MYO10: variants seen among roughly 807,000 people sequenced by gnomAD.
The protein encoded by MYO10 is myosin X, also known as unconventional myosin-X.
MYO10 carries 133 observed loss-of-function variants against 257.3 expected under a neutral mutation model. That is an observed-to-expected ratio of 0.52 (90% CI 0.45 to 0.60). The LOEUF is 0.60. Among genes scored for constraint, MYO10 ranks in the 20% least tolerant of loss-of-function variants. MYO10 has a pLI of 0.00. For synonymous variants in MYO10, 1,104 were observed against 1,028.6 expected (o/e 1.07, Z -1.40); for missense variants, 2,399 against 2,635.7 (o/e 0.91, Z 1.97).
intron 1 of MYO10, among the ~76,000 whole-genome samples, chr5:16,888,746 T>C (rs1744961952): frequency 6.8e-6 from 1 of 146,064 alleles, no homozygotes; most frequent in Admixed American, 6.8e-5. Context: ...CCCCATCTCT[T>C]AAAAAAAAAA....
chr5:16,810,825 C>T (rs1742412742), intron 3 of MYO10, among the ~76,000 whole-genome samples: 1 of 152,008 alleles, frequency 6.6e-6, no homozygotes, highest in African/African-American at 2.4e-5. Context: ...AATCCCAACA[C>T]TTTGAGAGGC....
chr5:16,815,606 G>A, intron 3 of MYO10: 1 of 606,760 alleles, frequency 1.6e-6, no homozygotes, highest in Non-Finnish European at 2.9e-6. Flanking sequence ...CTTGGTTCCA[G>A]GAAGACAAAA....
At chr5:16,696,812 C>A (rs1259561123) in intron 26 of MYO10, among the ~76,000 whole-genome samples, 2 of 147,996 alleles carry the variant, frequency 1.4e-5, no homozygotes, top group Non-Finnish European at 3.0e-5. Flanking sequence ...GCCGAGTTCG[C>A]ACCACTGCAC....
At chr5:16,774,717 G>A (rs1329934449) in intron 9 of MYO10, among the ~76,000 whole-genome samples, 2 of 151,888 alleles carry the variant, frequency 1.3e-5, no homozygotes, top group African/African-American at 2.4e-5. Context: ...CACCGTGCCC[G>A]GCCAATGTTA....
chr5:16,784,532 T>C (rs985922845), intron 4 of MYO10, among the ~76,000 whole-genome samples: 1 of 152,058 alleles, frequency 6.6e-6, no homozygotes, highest in Non-Finnish European at 1.5e-5. Flanking sequence ...AGAAACCCCA[T>C]CCATCTGGCA....
In MYO10 at chr5:16,763,724, T is replaced by C; in HGVS notation, c.1358A>G (p.Tyr453Cys). 6.2e-7 allele frequency: 1 copy of C among 1,607,340 alleles called. No individual in the cohort carries two copies. The highest frequency in any genetic ancestry group is 1.1e-5 in the South Asian group (1 of 90,602). The change falls in exon 13 of 41, where the codon TAT becomes TGT. Residue 453 changes from tyrosine (Y) to cysteine (C), a missense_variant. Coordinates refer to ENST00000513610, the MANE Select transcript of MYO10 (RefSeq NM_012334.3). ...VNHFEQFNIN[Y>C]ANEKLQEYFN... ...GTACTCCTGAAGTTTCTCGTTTGCA[T>C]AGTTTATATTGAACTGTTCAAAGTG...
chr5:16,781,117 T>C (rs1278077830), intron 6 of MYO10, among the ~76,000 whole-genome samples: 1 of 151,210 alleles, frequency 6.6e-6, no homozygotes, highest in Non-Finnish European at 1.5e-5. Flanking sequence ...TCTCGCTCTC[T>C]CGCCCAGGCT....
intron 19 of MYO10, among the ~76,000 whole-genome samples, chr5:16,719,858 G>A (rs1392115255): frequency 1.3e-5 from 2 of 152,106 alleles, no homozygotes; most frequent in African/African-American, 4.8e-5. Context: ...CAGCTACTCA[G>A]GAGGCTGAGG....
Position 16,935,963 on chromosome 5 carries a change from C to G in MYO10, c.-155G>C. 1.2e-6 allele frequency: 1 copy of G among 856,192 alleles called. No homozygotes were observed. The highest frequency in any genetic ancestry group is 1.8e-6 in the Non-Finnish European group (1 of 543,808). The allele number at this position is 856,192 out of a possible 1,614,324, so 53.0% of individuals were successfully genotyped here. A position where few individuals can be genotyped will look rare whatever the true frequency, so the allele number is the denominator to read the frequency against. On this transcript the variant is annotated 5_prime_UTR_variant, in exon 1 of 41. Transcript: ENST00000513610. ...CTGCCATCGCCCGGTCCCTTCTTGT[C>G]CTTCTCACCTTTTGTTCGCCCAAAC... is the stretch of plus-strand genomic sequence containing the variant.
intron 3 of MYO10, among the ~76,000 whole-genome samples, chr5:16,795,955 C>T (rs1365936463): frequency 2.0e-5 from 3 of 151,760 alleles, no homozygotes; most frequent in East Asian, 1.9e-4. Flanking sequence ...TTTGGGGGGC[C>T]GAGGTGCGAG....
chr5:16,826,734 T>C (rs1282543470), intron 2 of MYO10, among the ~76,000 whole-genome samples: 1 of 152,218 alleles, frequency 6.6e-6, no homozygotes, highest in African/African-American at 2.4e-5. Context: ...CTCGTTTAGA[T>C]TTTTCCTGGA....
chr5:16,929,175 C>A (rs2650462), intron 1 of MYO10, among the ~76,000 whole-genome samples: 4 of 151,516 alleles, frequency 2.6e-5, no homozygotes, highest in South Asian at 2.1e-4. Context: ...GGATGGTCTC[C>A]ATCTCCTGAC....
chr5:16,781,009 A>C (rs873180), intron 6 of MYO10, among the ~76,000 whole-genome samples: 9 of 152,194 alleles, frequency 5.9e-5, no homozygotes, highest in African/African-American at 2.2e-4. Context: ...TTAATGATGA[A>C]GTCAATGTTT....
intron 9 of MYO10, among the ~76,000 whole-genome samples, chr5:16,778,614 C>T (rs962599145): frequency 6.6e-6 from 1 of 151,310 alleles, no homozygotes; most frequent in Non-Finnish European, 1.5e-5. Context: ...TGCTCTCTTC[C>T]GCTCCTGTAG....
Position 16,794,878 on chromosome 5 carries a change from G to C in MYO10, c.280-45C>G, listed in dbSNP as rs139936615. ...CAGGGATGCGTCACTTCTAACCCAGGCCACTGGATGAGCTCCAACAAAACC... is the reference window on the plus strand; with the variant it reads ...CAGGGATGCGTCACTTCTAACCCAGCCCACTGGATGAGCTCCAACAAAACC... On this transcript the variant is annotated intron_variant, in intron 3 of 40. Coordinates refer to ENST00000513610, the MANE Select transcript of MYO10 (RefSeq NM_012334.3). 7.9e-4 allele frequency: 1,062 copies of C among 1,343,494 alleles called. 6 individuals carry two copies. The African/African-American group carries it at 0.014, about 18-fold the overall frequency. 83.2% of individuals were successfully genotyped at this position (1,343,494 alleles called of 1,614,324 possible). A position where few individuals can be genotyped will look rare whatever the true frequency, so the allele number is the denominator to read the frequency against.
rs548513090 is a variant in MYO10 at position 16,699,580 on chromosome 5, C to T, written c.3433-7G>A. The T allele has an allele frequency of 1.9e-6, 3 of 1,612,828 alleles. No individual in the cohort carries two copies. The highest frequency in any genetic ancestry group is 1.3e-5 in the African/African-American group (1 of 74,702). The stretch of plus-strand genomic sequence containing the variant: ...CCTCTTCACTATCTTCAAACTGGAC[C>T]GAGAGAGAGAAGCCAACGGTGAGGG... On this transcript the variant is annotated splice_polypyrimidine_tract_variant and splice_region_variant and intron_variant, in intron 25 of 40. Transcript: ENST00000513610.
intron 3 of MYO10, among the ~76,000 whole-genome samples, chr5:16,811,665 C>T (rs7734036): frequency 0.24 from 35,971 of 152,096 alleles, 5,118 homozygotes; most frequent in East Asian, 0.4. Flanking sequence ...TCCTCCCACC[C>T]CAGCTTCCTG....
chr5:16,782,532 C>T (rs1242982162), intron 5 of MYO10, among the ~76,000 whole-genome samples: 1 of 152,198 alleles, frequency 6.6e-6, no homozygotes, highest in Non-Finnish European at 1.5e-5. Context: ...CGCCACTGCG[C>T]CGTACACTGA....
At chr5:16,809,668 G>T (rs1742375555) in intron 3 of MYO10, among the ~76,000 whole-genome samples, 1 of 152,208 alleles carries the variant, frequency 6.6e-6, no homozygotes, top group African/African-American at 2.4e-5. Context: ...CCTAACCAAA[G>T]GAGGATATTT....
Sources: allele counts gnomAD v4.1 joint callset (sites outside exome capture counted in the v4.1 genomes callset), GRCh38; gene constraint gnomAD v4.1.1; transcripts MANE v1.5; gene names NCBI Gene and HGNC (gene_info 2026-07-23, HGNC 2026-07-21).